The following REXO5 variants were observed in gnomAD, a reference collection of about 807,000 sequenced individuals.
The protein encoded by REXO5 is exonuclease NEF-sp.
In REXO5, 48 loss-of-function variants were observed where a neutral mutation model predicts 88.5. The ratio of observed to expected loss-of-function variants is 0.54; its 90% CI spans 0.43 to 0.69. The LOEUF (loss-of-function observed/expected upper bound fraction) is 0.69, where lower values mean the gene tolerates loss of function less well. REXO5 is among the 30% of genes least tolerant of loss of function. The pLI, the probability that REXO5 is intolerant of heterozygous loss-of-function variation, is 0.00. For missense variants in REXO5, 749 were observed against 912.2 expected (o/e 0.82, Z 2.30); for synonymous variants, 311 against 336.5 (o/e 0.92, Z 0.83).
chr16:20,840,358 A>G lies in REXO5; in HGVS notation c.1516A>G (p.Thr506Ala), dbSNP rs147583085. Residue 506 changes from threonine (T) to alanine (A), a missense_variant, in exon 15 of 20, where the codon ACT (threonine) becomes GCT (alanine). By Grantham distance (58) the Thr-to-Ala change is moderately conservative. Transcript: ENST00000261377. ...GAGGATCAAGTGGACAGAGATATCA[A>G]CTGTCTATGCTGGGCCATTTAGCAA... ...RMRIKWTEIS[T>A]VYAGPFSKNC... 251 of 1,563,228 alleles carry G rather than the reference A, an allele frequency of 1.6e-4. No homozygotes were observed. The highest frequency in any genetic ancestry group is 8.5e-4 in the Middle Eastern group (5 of 5,878).
chr16:20,808,193 C>G (rs974066735), intron 2 of REXO5, among the ~76,000 whole-genome samples: 1 of 152,180 alleles, frequency 6.6e-6, no homozygotes, highest in Non-Finnish European at 1.5e-5. Context: ...TTATCTAACA[C>G]GAAACCGGTC....
chr16:20,821,710 C>G, intron 5 of REXO5, 52 bp from the exon 6 acceptor site: 1 of 1,496,516 alleles, frequency 6.7e-7, no homozygotes, highest in Non-Finnish European at 8.9e-7. Flanking sequence ...GACATTTCTT[C>G]TAGGGTTCTT....
At chr16:20,824,389 G>A (rs767412618) in intron 6 of REXO5, 50 bp from the exon 7 acceptor site, 18 of 1,042,354 alleles carry the variant, frequency 1.7e-5, no homozygotes, top group Non-Finnish European at 2.5e-5. Context: ...TAAGAGTGAT[G>A]TTTACCATCT....
chr16:20,822,382 T>C (rs949591080), intron 6 of REXO5, among the ~76,000 whole-genome samples: 8 of 152,348 alleles, frequency 5.3e-5, no homozygotes, highest in African/African-American at 1.9e-4. Flanking sequence ...TTATTTTCTT[T>C]GTTACCTCCT....
At chr16:20,821,741 G>A (rs1448442986) in intron 5 of REXO5, 21 bp from the exon 6 acceptor site, 6 of 1,555,664 alleles carry the variant, frequency 3.9e-6, no homozygotes, top group East Asian at 2.3e-5. Context: ...TCTAATATAC[G>A]TTCAATTGTT....
intron 3 of REXO5, among the ~76,000 whole-genome samples, chr16:20,814,658 C>A (rs1306540868): frequency 6.6e-6 from 1 of 152,176 alleles, no homozygotes; most frequent in Non-Finnish European, 1.5e-5. Context: ...TCCAAACAAA[C>A]CTTAATAGGA....
chr16:20,833,373 T>C (rs541776267), intron 13 of REXO5, among the ~76,000 whole-genome samples: 1 of 152,326 alleles, frequency 6.6e-6, no homozygotes, highest in South Asian at 2.1e-4. Flanking sequence ...GAGTTTCTGT[T>C]GTGTTTCTGG....
At chr16:20,845,311 C>CT (rs964556112) in intron 18 of REXO5, 70 bp downstream of exon 18, 53,722 of 1,015,256 alleles carry the variant, frequency 0.053, 1 homozygote, top group South Asian at 0.069. Context: ...ATCCTTTAAT[C>CT]TTTTTTTTTT....
Position 20,846,274 on chromosome 16 carries a change from T to C in REXO5, c.2178T>C (p.Ile726=). Residue 726 remains isoleucine (I), a synonymous_variant, in exon 19 of 20, where the codon ATT becomes ATC. Coordinates refer to ENST00000261377, the MANE Select transcript of REXO5 (RefSeq NM_030941.3). Reference sequence around the variant, plus strand: ...CAGCCTGGCGCTGGAGCCGGAAGATTGGAAAGCTCTACAACAGCTTGTGCC... The same window carrying C: ...CAGCCTGGCGCTGGAGCCGGAAGATCGGAAAGCTCTACAACAGCTTGTGCC... ...KIAAWRWSRK[I]GKLYNSLCPG... The C allele has an allele frequency of 6.2e-7, 1 of 1,614,046 alleles. No homozygotes were observed. Among genetic ancestry groups the C allele is most frequent in the African/African-American group, 1.3e-5 (1 of 75,022 alleles).
chr16:20,836,677 T>C (rs1441296891), intron 13 of REXO5, among the ~76,000 whole-genome samples: 1 of 152,222 alleles, frequency 6.6e-6, no homozygotes, highest in African/African-American at 2.4e-5. Flanking sequence ...ATAGTAAGAA[T>C]ATGTTTAGTC....
intron 2 of REXO5, among the ~76,000 whole-genome samples, chr16:20,810,425 G>C (rs551434474): frequency 4.9e-5 from 7 of 142,128 alleles, no homozygotes; most frequent in Admixed American, 2.1e-4. Flanking sequence ...TTTTTCTTTT[G>C]AGACAAAAGT....
At chr16:20,846,146 G>A (rs201846561) in intron 18 of REXO5, 75 bp from the exon 19 acceptor site, 58 of 1,141,446 alleles carry the variant, frequency 5.1e-5, no homozygotes, top group Non-Finnish European at 6.9e-5. Context: ...AGAGGCAGAG[G>A]AAGAGTGTTG....
In REXO5 at chr16:20,828,636, A is replaced by G. The variant is rs932830383; in HGVS notation, c.1158+99A>G. On this transcript the variant is annotated intron_variant, in intron 11 of 19. Coordinates refer to ENST00000261377, the MANE Select transcript of REXO5 (RefSeq NM_030941.3). ...ACTCCTATTATCTATTTTTATGAAAATGGCAGTGTGGGCCAGGTGCAGTGG... is the reference window on the plus strand; with the variant it reads ...ACTCCTATTATCTATTTTTATGAAAGTGGCAGTGTGGGCCAGGTGCAGTGG... 79 of 875,280 alleles carry G rather than the reference A, an allele frequency of 9.0e-5. No individual in the cohort carries two copies. In the East Asian group the frequency reaches 2.1e-3, roughly 24 times the overall value. The allele number at this position is 875,280 out of a possible 1,614,324, so 54.2% of individuals were successfully genotyped here. A position where few individuals can be genotyped will look rare whatever the true frequency, so the allele number is the denominator to read the frequency against.
intron 10 of REXO5, 99 bp downstream of exon 10, chr16:20,827,546 G>C (rs1190758693): frequency 2.4e-6 from 2 of 826,112 alleles, no homozygotes; most frequent in South Asian, 3.3e-5. Flanking sequence ...CAGGGTTTCT[G>C]CTCTCTTTGC....
At chr16:20,820,348 C>T (rs1264093795) in intron 5 of REXO5, among the ~76,000 whole-genome samples, 5 of 151,452 alleles carry the variant, frequency 3.3e-5, no homozygotes, top group African/African-American at 4.9e-5. Flanking sequence ...ATCAGCTACT[C>T]ACTTAGGTCA....
rs746644441 is a variant in REXO5, at chr16:20,844,846, G to A, written c.1936+1G>A. 3 of 1,611,864 alleles carry A rather than the reference G, an allele frequency of 1.9e-6. No individual in the cohort carries two copies. Among genetic ancestry groups the A allele is most frequent in the East Asian group, 2.2e-5 (1 of 44,886 alleles). ...AAGCAGAAAAAATACTGTTTCCTGAGTAAGTCTATGCTACTGAATGTAGCT... is the reference window on the plus strand; with the variant it reads ...AAGCAGAAAAAATACTGTTTCCTGAATAAGTCTATGCTACTGAATGTAGCT... On this transcript the variant is annotated splice_donor_variant, in intron 17 of 19. Coordinates refer to ENST00000261377, the MANE Select transcript of REXO5 (RefSeq NM_030941.3). LOFTEE classifies it high-confidence loss of function.
chr16:20,829,002 G>A (rs2081301013), intron 11 of REXO5, among the ~76,000 whole-genome samples: 1 of 151,694 alleles, frequency 6.6e-6, no homozygotes, highest in Non-Finnish European at 1.5e-5. Flanking sequence ...AAAGAAAATG[G>A]CAGTGTGATT....
At position 20,806,977 on chromosome 16, in the gene REXO5, C is replaced by G. The variant is rs1419523312; in HGVS notation, c.24C>G (p.Thr8=). The G allele has an allele frequency of 1.5e-5, 24 of 1,597,046 alleles. No homozygotes were observed. The highest frequency in any genetic ancestry group is 2.0e-5 in the Non-Finnish European group (23 of 1,171,782). ...CCATGGAGCCAGAGAGGGAAGGGAC[C>G]GAGAGACACCCCAGGAAGGTCAGGG... The part of the protein sequence containing the change: MEPEREG[T]ERHPRKVRES... Residue 8 remains threonine, a synonymous_variant, in exon 2 of 20, where the codon ACC becomes ACG. Transcript: ENST00000261377.
chr16:20,807,312 C>G (rs1159574811), intron 2 of REXO5: 1 of 572,160 alleles, frequency 1.7e-6, no homozygotes, highest in Admixed American at 3.4e-5. Flanking sequence ...AGTGCGGTGG[C>G]TCATGCCTGT....
Sources: gnomAD v4.1 joint callset for allele counts (sites outside exome capture counted in the v4.1 genomes callset) on GRCh38, gnomAD v4.1.1 for gene constraint, MANE v1.5 for transcripts, NCBI Gene and HGNC (gene_info 2026-07-23, HGNC 2026-07-21) for gene names.